Variants in DSCAM observed in about 807,000 individuals in gnomAD.
DSCAM encodes the protein DS cell adhesion molecule.
A neutral mutation model predicts 217.7 loss-of-function variants in DSCAM; 47 were observed. That is an observed-to-expected ratio of 0.22 (90% CI 0.17 to 0.28). The LOEUF (loss-of-function observed/expected upper bound fraction) is 0.28, where lower values mean the gene tolerates loss of function less well. DSCAM is among the 10% of genes least tolerant of loss of function. The probability of loss-of-function intolerance (pLI) is 1.00; values close to 1 mark genes in which losing one functional copy is unlikely to be tolerated. For synonymous variants in DSCAM, 1,056 were observed against 1,015.3 expected, an observed-to-expected ratio of 1.04 and a Z score of -0.76; for missense variants, 2,080 against 2,618.3, an observed-to-expected ratio of 0.79 and a Z score of 4.49.
chr21:40,056,166 C>A (rs1473214644), intron 28 of DSCAM, among the ~76,000 whole-genome samples: 1 of 152,166 alleles, frequency 6.6e-6, no homozygotes, highest in South Asian at 2.1e-4. Flanking sequence ...TAAAAACCAA[C>A]AGCATTTTCA....
chr21:40,831,738 T>G (rs1042482033), intron 1 of DSCAM, among the ~76,000 whole-genome samples: 5 of 152,220 alleles, frequency 3.3e-5, no homozygotes, highest in Admixed American at 6.5e-5. Context: ...CCCAACAGAA[T>G]GCAATCTCAT....
intron 3 of DSCAM, among the ~76,000 whole-genome samples, chr21:40,384,334 G>A (rs991492663): frequency 9.9e-5 from 15 of 152,270 alleles, no homozygotes; most frequent in South Asian, 4.1e-4. Context: ...AAGGCCTGGC[G>A]TGGTGGCTCA....
intron 2 of DSCAM, among the ~76,000 whole-genome samples, chr21:40,703,023 T>C (rs141882993): frequency 1.3e-5 from 2 of 152,324 alleles, no homozygotes; most frequent in East Asian, 1.9e-4. Context: ...TTTTAAAATA[T>C]TGCAATTTTT....
chr21:40,499,837 G>A (rs1327547578), intron 3 of DSCAM, among the ~76,000 whole-genome samples: 4 of 152,122 alleles, frequency 2.6e-5, no homozygotes, highest in African/African-American at 9.7e-5. Flanking sequence ...ATGGAGTGTA[G>A]TGATGCGATC....
intron 3 of DSCAM, among the ~76,000 whole-genome samples, chr21:40,492,434 C>T (rs903403475): frequency 6.6e-6 from 1 of 151,908 alleles, no homozygotes; most frequent in Non-Finnish European, 1.5e-5. Flanking sequence ...ACAAATAATT[C>T]AAAAAATTTT....
intron 11 of DSCAM, among the ~76,000 whole-genome samples, chr21:40,246,504 G>A (rs964319995): frequency 6.6e-6 from 1 of 150,592 alleles, no homozygotes; most frequent in Non-Finnish European, 1.5e-5. Context: ...TCTCGCCACT[G>A]CACTCCAGCC....
intron 3 of DSCAM, among the ~76,000 whole-genome samples, chr21:40,683,726 G>A (rs1409078117): frequency 6.6e-6 from 1 of 152,114 alleles, no homozygotes; most frequent in African/African-American, 2.4e-5. Context: ...GCTGAGCCAT[G>A]AAGGAGGTAG....
chr21:40,528,374 T>C (rs1262274442), intron 3 of DSCAM, among the ~76,000 whole-genome samples: 1 of 152,210 alleles, frequency 6.6e-6, no homozygotes, highest in African/African-American at 2.4e-5. Context: ...TACTCCATTA[T>C]AGTAATTACT....
rs531349994 is a variant in DSCAM at position 40,426,442 on chromosome 21, A to T, written c.509-57197T>A. 2.0e-5 allele frequency among the ~76,000 whole-genome samples: 3 copies of T among 152,324 alleles called. No individual in the cohort carries two copies. The South Asian group carries it at 6.2e-4, about 32-fold the overall frequency. On this transcript the variant is annotated intron_variant, in intron 3 of 32. Transcript: ENST00000400454. Reference sequence around the variant, plus strand: ...GCCTGCTGTGGGAACAGTTCACGGCATCTATGTGTCTATACTACTATGCAT... The same window carrying T: ...GCCTGCTGTGGGAACAGTTCACGGCTTCTATGTGTCTATACTACTATGCAT...
chr21:40,432,581 G>A (rs185550753), intron 3 of DSCAM, among the ~76,000 whole-genome samples: 315 of 152,176 alleles, frequency 2.1e-3, no homozygotes, highest in African/African-American at 7.0e-3. Context: ...CTAGTGCTTC[G>A]GATTCAACAT....
intron 5 of DSCAM, among the ~76,000 whole-genome samples, chr21:40,348,294 G>A (rs111827919): frequency 1.5e-4 from 11 of 73,206 alleles, no homozygotes; most frequent in African/African-American, 5.4e-4. Context: ...ACCCCAGAGA[G>A]TTCCTATCAG....
chr21:40,577,918 G>T (rs1187745470), intron 3 of DSCAM, among the ~76,000 whole-genome samples: 2 of 152,124 alleles, frequency 1.3e-5, no homozygotes, highest in Admixed American at 6.5e-5. Context: ...TCTTGGATGT[G>T]CTGGGAGTCA....
At chr21:40,081,027 T>C (rs2089447835) in intron 24 of DSCAM, among the ~76,000 whole-genome samples, 1 of 152,178 alleles carries the variant, frequency 6.6e-6, no homozygotes, top group Non-Finnish European at 1.5e-5. Flanking sequence ...TCTGCAACCC[T>C]ATGGAACAGT....
At chr21:40,759,192 T>A (rs543730444) in intron 1 of DSCAM, among the ~76,000 whole-genome samples, 2 of 151,994 alleles carry the variant, frequency 1.3e-5, no homozygotes, top group Non-Finnish European at 2.9e-5. Context: ...TCCCAGTCCA[T>A]CCAAGAGGAT....
intron 3 of DSCAM, among the ~76,000 whole-genome samples, chr21:40,682,075 T>G (rs1205369043): frequency 6.6e-6 from 1 of 152,128 alleles, no homozygotes; most frequent in Non-Finnish European, 1.5e-5. Context: ...ATGGTATTTT[T>G]TTTTTGTAGT....
intron 15 of DSCAM, 82 bp from the exon 16 acceptor site, chr21:40,167,370 G>C (rs530177744): frequency 1.7e-6 from 2 of 1,207,412 alleles, no homozygotes; most frequent in Admixed American, 1.8e-5. Context: ...GGTGGTCCCC[G>C]AGGACAACCC....
intron 8 of DSCAM, among the ~76,000 whole-genome samples, chr21:40,320,475 TAATTA>T (rs1408683787): frequency 5.9e-5 from 9 of 152,326 alleles, no homozygotes; most frequent in Middle Eastern, 3.4e-3. Context: ...ATTTCTAAGT[TAATTA>T]AATGGGCCAG....
At chr21:40,125,413 G>T (rs760217342) in intron 19 of DSCAM, among the ~76,000 whole-genome samples, 3 of 152,170 alleles carry the variant, frequency 2.0e-5, no homozygotes, top group Non-Finnish European at 2.9e-5. Flanking sequence ...CATATGGAGG[G>T]CAACCACATT....
At position 40,013,012 on chromosome 21, in the gene DSCAM, C is replaced by G. The variant is rs767418037; in HGVS notation, c.*22G>C. ...GAATTGTTTGAATTGTATTTACAAC[C>G]GCTGTCCAGTCATGCTGTCTGTTAT... is the stretch of plus-strand genomic sequence containing the variant. On this transcript the variant is annotated 3_prime_UTR_variant, in exon 33 of 33. Transcript: ENST00000400454. The G allele has an allele frequency of 2.2e-6, 3 of 1,385,276 alleles. No homozygotes were observed. Among genetic ancestry groups the G allele is most frequent in the Non-Finnish European group, 2.8e-6 (3 of 1,058,280 alleles). The allele number at this position is 1,385,276 out of a possible 1,614,324, so 85.8% of individuals were successfully genotyped here. A position where few individuals can be genotyped will look rare whatever the true frequency, so the allele number is the denominator to read the frequency against.
Sources: gnomAD v4.1 joint callset for allele counts (sites outside exome capture counted in the v4.1 genomes callset) on GRCh38, gnomAD v4.1.1 for gene constraint, MANE v1.5 for transcripts, NCBI Gene and HGNC (gene_info 2026-07-23, HGNC 2026-07-21) for gene names.